The following AOAH variants were observed in gnomAD, a reference collection of about 807,000 sequenced individuals.
AOAH encodes acyloxyacyl hydrolase (neutrophil).
In AOAH, 64 loss-of-function variants were observed where a neutral mutation model predicts 92.2. The observed-to-expected ratio is 0.69, with a 90% confidence interval of 0.57 to 0.86. AOAH has a LOEUF of 0.86. AOAH is among the 40% of genes least tolerant of loss of function. The probability of loss-of-function intolerance (pLI) is 0.00; values close to 1 mark genes in which losing one functional copy is unlikely to be tolerated. For missense variants in AOAH, 656 were observed against 694.6 expected, an observed-to-expected ratio of 0.94 and a Z score of 0.62; for synonymous variants, 263 against 254.5, an observed-to-expected ratio of 1.03 and a Z score of -0.32.
At chr7:36,720,190 C>A (rs1048602225) in intron 1 of AOAH, among the ~76,000 whole-genome samples, 1 of 151,770 alleles carries the variant, frequency 6.6e-6, no homozygotes, top group Non-Finnish European at 1.5e-5. Context: ...CGCTCTGTCG[C>A]CCAGGCTGGA....
At chr7:36,675,949 T>G (rs1274513299) in intron 2 of AOAH, among the ~76,000 whole-genome samples, 1 of 152,200 alleles carries the variant, frequency 6.6e-6, no homozygotes, top group Non-Finnish European at 1.5e-5. Flanking sequence ...ATGATTTTAT[T>G]AGGAATAAAA....
chr7:36,696,043 C>A (rs1797689801), intron 1 of AOAH, among the ~76,000 whole-genome samples: 1 of 152,078 alleles, frequency 6.6e-6, no homozygotes, highest in Non-Finnish European at 1.5e-5. Flanking sequence ...AAAAGACTAC[C>A]CTCTTGCCAT....
At chr7:36,618,227 C>T in intron 10 of AOAH, 70 bp downstream of exon 10, 1 of 1,404,808 alleles carries the variant, frequency 7.1e-7, no homozygotes, top group East Asian at 2.3e-5. Flanking sequence ...GTGGTCTGCT[C>T]ACTTCAATTT....
intron 1 of AOAH, among the ~76,000 whole-genome samples, chr7:36,710,789 A>C (rs1410565538): frequency 6.6e-6 from 1 of 152,152 alleles, no homozygotes; most frequent in Non-Finnish European, 1.5e-5. Context: ...TTTGCCTTAC[A>C]ATAGGTTTAA....
chr7:36,581,470 T>A (rs979430465), intron 12 of AOAH, among the ~76,000 whole-genome samples: 1 of 152,214 alleles, frequency 6.6e-6, no homozygotes, highest in Non-Finnish European at 1.5e-5. Flanking sequence ...ACTGCGTCAC[T>A]TATGCCCTCT....
At chr7:36,514,079 G>T (rs919214921) in intron 20 of AOAH, among the ~76,000 whole-genome samples, 1 of 152,162 alleles carries the variant, frequency 6.6e-6, no homozygotes, top group African/African-American at 2.4e-5. Flanking sequence ...TCTCAGCCTA[G>T]TAAGGTAACC....
At chr7:36,536,472 T>C (rs1196885683) in intron 16 of AOAH, among the ~76,000 whole-genome samples, 1 of 151,936 alleles carries the variant, frequency 6.6e-6, no homozygotes, top group Non-Finnish European at 1.5e-5. Context: ...TAAGATGAGA[T>C]CTACAGTGGC....
intron 15 of AOAH, among the ~76,000 whole-genome samples, chr7:36,544,809 C>G (rs1214138419): frequency 1.3e-5 from 2 of 152,168 alleles, no homozygotes; most frequent in Non-Finnish European, 2.9e-5. Flanking sequence ...CAGATTTCAC[C>G]TGGCTGGTGC....
Position 36,635,915 on chromosome 7 carries a change from G to A in AOAH, c.450+1936C>T, listed in dbSNP as rs971632098. ...ATAACTCAGGTGCTCTTAGATGCTC[G>A]ATGCTCTGCCAAATCCATGAAATGT... On this transcript the variant is annotated intron_variant, in intron 5 of 20. Coordinates refer to ENST00000617537, the MANE Select transcript of AOAH (RefSeq NM_001637.4). 5.3e-5 allele frequency among the ~76,000 whole-genome samples: 8 copies of A among 152,148 alleles called. 1 individual carries two copies. The highest frequency in any genetic ancestry group is 3.3e-4 in the Admixed American group (5 of 15,278).
chr7:36,557,680 G>GT (rs1159433830), intron 13 of AOAH, among the ~76,000 whole-genome samples: 40 of 150,812 alleles, frequency 2.7e-4, no homozygotes, highest in Admixed American at 1.1e-3. Context: ...GGCTTTGTTC[G>GT]TTTCTTTTTA....
chr7:36,683,458 G>T (rs907485493), intron 2 of AOAH, among the ~76,000 whole-genome samples: 26 of 152,160 alleles, frequency 1.7e-4, no homozygotes, highest in African/African-American at 6.3e-4. Flanking sequence ...GTAGGACAAT[G>T]ATTCAAAAGG....
intron 20 of AOAH, among the ~76,000 whole-genome samples, chr7:36,515,517 A>ATC: frequency 9.6e-6 from 1 of 103,776 alleles, no homozygotes; most frequent in Non-Finnish European, 1.9e-5. Flanking sequence ...ACCCCCAAAC[A>ATC]CCACACACAC....
chr7:36,672,337 G>T (rs184076222), intron 3 of AOAH, among the ~76,000 whole-genome samples: 30 of 152,312 alleles, frequency 2.0e-4, no homozygotes, highest in Admixed American at 3.3e-4. Context: ...GCCCCTTGAA[G>T]AGGAATCATG....
Position 36,690,244 on chromosome 7 carries a change from T to C in AOAH, c.128-3450A>G, listed in dbSNP as rs1168360321. ...AAAAAAATTATCTGTCTCTGAACAC[T>C]GGGTGAGTCTTACCGCTATCGTCAC... On this transcript the variant is annotated intron_variant, in intron 1 of 20. Transcript: ENST00000617537. 5 of 448,420 alleles carry C rather than the reference T, an allele frequency of 1.1e-5. No homozygotes were observed. In the East Asian group the frequency reaches 3.5e-4, roughly 32 times the overall value. 27.8% of individuals were successfully genotyped at this position (448,420 alleles called of 1,614,324 possible). A position where few individuals can be genotyped will look rare whatever the true frequency, so the allele number is the denominator to read the frequency against.
At chr7:36,520,953 A>C (rs1368646212) in intron 20 of AOAH, among the ~76,000 whole-genome samples, 2 of 152,190 alleles carry the variant, frequency 1.3e-5, no homozygotes, top group Middle Eastern at 6.3e-3. Flanking sequence ...TTTGCTCAGC[A>C]TTTGTGGGAC....
chr7:36,534,956 ATCTGTG>A (rs1429710245), intron 16 of AOAH, among the ~76,000 whole-genome samples: 3 of 9,552 alleles, frequency 3.1e-4, no homozygotes, highest in Admixed American at 1.3e-3. Flanking sequence ...CTGTGTGTGT[ATCTGTG>A]TCTGTGTCTC....
intron 20 of AOAH, among the ~76,000 whole-genome samples, chr7:36,517,940 CA>C (rs1783898281): frequency 4.6e-5 from 3 of 64,910 alleles, no homozygotes; most frequent in African/African-American, 9.9e-5. Flanking sequence ...CCCACACACA[CA>C]CACCCACACA....
At chr7:36,666,181 G>A (rs899082678) in intron 3 of AOAH, among the ~76,000 whole-genome samples, 2 of 152,048 alleles carry the variant, frequency 1.3e-5, no homozygotes, top group East Asian at 3.9e-4. Context: ...AGGGCTTCGT[G>A]TTTTTTGTTT....
intron 20 of AOAH, among the ~76,000 whole-genome samples, chr7:36,520,676 G>T (rs535638740): frequency 2.0e-5 from 3 of 148,154 alleles, no homozygotes; most frequent in African/African-American, 7.5e-5. Flanking sequence ...TTGCACTCCA[G>T]CCGGGGCAAC....
Sources: gnomAD v4.1 joint callset for allele counts (sites outside exome capture counted in the v4.1 genomes callset) on GRCh38, gnomAD v4.1.1 for gene constraint, MANE v1.5 for transcripts, NCBI Gene and HGNC (gene_info 2026-07-23, HGNC 2026-07-21) for gene names.